The following COL25A1 variants were observed in gnomAD, a reference collection of about 807,000 sequenced individuals.
COL25A1 encodes the protein collagen type XXV alpha 1 chain, also known as collagen alpha-1(XXV) chain.
In COL25A1, 103 loss-of-function variants were observed where a neutral mutation model predicts 128.4. The ratio of observed to expected loss-of-function variants is 0.80; its 90% CI spans 0.68 to 0.94. The LOEUF (loss-of-function observed/expected upper bound fraction) is 0.94. Ranked by LOEUF, COL25A1 falls within the 40% of genes least tolerant of loss-of-function variation. The pLI is 0.00. For synonymous variants in COL25A1, 279 were observed against 277.2 expected, an observed-to-expected ratio of 1.01 and a Z score of -0.06; for missense variants, 745 against 840.0, an observed-to-expected ratio of 0.89 and a Z score of 1.40.
Position 108,844,533 on chromosome 4 carries a change from G to A in COL25A1, c.1615C>T (p.Pro539Ser). ...GGGAAACTTACCATGGGGCCAGGTG[G>A]GCCATGGGGACCTGGTGGGCCTGGT... ...GPPGPPGPHG[P>S]PGPMGPHGLP... Residue 539 changes from proline (P) to serine (S), a missense_variant, in exon 30 of 38, where the codon CCA becomes TCA. Around this residue, in one of 3 missense-constraint regions of COL25A1, gnomAD observed 387 missense variants for 441.9 expected, o/e 0.88. Transcript: ENST00000399132. 1 of 1,613,714 alleles carries A rather than the reference G, an allele frequency of 6.2e-7. No homozygotes were observed. The highest frequency in any genetic ancestry group is 2.2e-5 in the East Asian group (1 of 44,862).
intron 11 of COL25A1, among the ~76,000 whole-genome samples, chr4:108,933,877 CAAT>C (rs1389228857): frequency 6.6e-6 from 1 of 151,350 alleles, no homozygotes; most frequent in African/African-American, 2.4e-5. Context: ...CACACACACA[CAAT>C]GTGTGAAAGA....
At chr4:109,297,923 C>T (rs1180884956) in intron 3 of COL25A1, among the ~76,000 whole-genome samples, 1 of 94,112 alleles carries the variant, frequency 1.1e-5, no homozygotes, top group Admixed American at 1.7e-4. Context: ...TAGGGAAGTT[C>T]ATTAGTTTGA....
intron 8 of COL25A1, among the ~76,000 whole-genome samples, chr4:108,969,600 T>G (rs1175295043): frequency 6.6e-6 from 1 of 152,210 alleles, no homozygotes; most frequent in Admixed American, 6.5e-5. Context: ...AATCTCTTTC[T>G]TGGTTCATCA....
chr4:109,019,645 C>T (rs1757547737), intron 5 of COL25A1, among the ~76,000 whole-genome samples: 1 of 151,830 alleles, frequency 6.6e-6, no homozygotes, highest in Admixed American at 6.6e-5. Context: ...TTGAGAACAG[C>T]ACTAGGGAAA....
At chr4:109,036,869 C>T (rs1449237509) in intron 5 of COL25A1, among the ~76,000 whole-genome samples, 1 of 152,220 alleles carries the variant, frequency 6.6e-6, no homozygotes, top group African/African-American at 2.4e-5. Context: ...AAAGCCTGAA[C>T]TGTATGCCAA....
chr4:109,090,775 C>G (rs980620268), intron 3 of COL25A1, among the ~76,000 whole-genome samples: 6 of 152,136 alleles, frequency 3.9e-5, no homozygotes, highest in African/African-American at 1.4e-4. Context: ...TAGTGAGCAG[C>G]ATGATGTGAT....
At chr4:108,852,362 C>T in intron 25 of COL25A1, 82 bp from the exon 26 acceptor site, 1 of 990,482 alleles carries the variant, frequency 1.0e-6, no homozygotes, top group Non-Finnish European at 1.5e-6. Context: ...CACTATACAC[C>T]TTCCTTATTT....
intron 5 of COL25A1, among the ~76,000 whole-genome samples, chr4:109,045,276 GT>G (rs1398308512): frequency 6.6e-6 from 1 of 152,118 alleles, no homozygotes; most frequent in Non-Finnish European, 1.5e-5. Flanking sequence ...GGAGTCAAAA[GT>G]TATCTGTGGA....
At chr4:109,100,852 G>T (rs749105454) in intron 3 of COL25A1, among the ~76,000 whole-genome samples, 1 of 152,218 alleles carries the variant, frequency 6.6e-6, no homozygotes, top group Admixed American at 6.5e-5. Flanking sequence ...AAATACTCCC[G>T]ATTCCAATTG....
At chr4:109,283,416 TTTTTTCTTTTTC>T (rs1252169155) in intron 3 of COL25A1, among the ~76,000 whole-genome samples, 2 of 152,112 alleles carry the variant, frequency 1.3e-5, no homozygotes, top group South Asian at 4.1e-4. Context: ...CAGGCTAATT[TTTTTTCTTTTTC>T]TTTTTCTTTT....
intron 3 of COL25A1, among the ~76,000 whole-genome samples, chr4:109,077,523 T>C (rs556059652): frequency 3.0e-4 from 45 of 149,536 alleles, no homozygotes; most frequent in Non-Finnish European, 5.9e-4. Flanking sequence ...ACAGTCACTA[T>C]TCTGTCTAGC....
At chr4:109,219,255 T>A (rs945486387) in intron 3 of COL25A1, among the ~76,000 whole-genome samples, 23 of 152,200 alleles carry the variant, frequency 1.5e-4, no homozygotes, top group Non-Finnish European at 2.8e-4. Context: ...GTGATAAAAC[T>A]GAGGCTGTGG....
intron 5 of COL25A1, among the ~76,000 whole-genome samples, chr4:109,046,780 A>G (rs1376403616): frequency 1.3e-5 from 2 of 152,192 alleles, no homozygotes; most frequent in African/African-American, 2.4e-5. Context: ...CTGTCCCTGG[A>G]CCATGCTGGC....
rs146745010 is a variant in COL25A1, at chr4:109,252,169, T to G, written c.367+48414A>C. On this transcript the variant is annotated intron_variant, in intron 3 of 37. Transcript: ENST00000399132. ...CACATATAGGGAAGGCAAATCCATA[T>G]CTACAGTGTCTATTCCAGTAAGAAC... 1.5e-3 allele frequency among the ~76,000 whole-genome samples: 228 copies of G among 152,358 alleles called. 2 individuals are homozygous for G. The highest frequency in any genetic ancestry group is 5.2e-3 in the African/African-American group (217 of 41,586).
intron 3 of COL25A1, among the ~76,000 whole-genome samples, chr4:109,070,804 C>T (rs973233776): frequency 6.6e-6 from 1 of 150,910 alleles, no homozygotes; most frequent in Non-Finnish European, 1.5e-5. Flanking sequence ...TTTGTCCTTG[C>T]GATAGTTTGC....
In COL25A1 at chr4:108,883,874, T is replaced by A. The variant is rs150546735; in HGVS notation, c.1020+304A>T. On this transcript the variant is annotated intron_variant, in intron 19 of 37. Transcript: ENST00000399132. The stretch of plus-strand genomic sequence containing the variant: ...GGGTCTTAAGAATAAAACTAAAATA[T>A]GAAGGTAAAGAGACATTTTAGACTT... Among the ~76,000 whole-genome samples the A allele has an allele frequency of 9.5e-3, 1,454 of 152,274 alleles. 26 individuals are homozygous for A. Among genetic ancestry groups the A allele is most frequent in the African/African-American group, 0.032 (1,343 of 41,564 alleles).
At chr4:108,832,299 A>C in intron 32 of COL25A1, 81 bp downstream of exon 32, 1 of 981,362 alleles carries the variant, frequency 1.0e-6, no homozygotes, top group Non-Finnish European at 1.6e-6. Flanking sequence ...TCTTCTGAAA[A>C]ATGAACAGTT....
chr4:108,967,315 G>C (rs887286865), intron 8 of COL25A1, among the ~76,000 whole-genome samples: 1 of 152,112 alleles, frequency 6.6e-6, no homozygotes, highest in African/African-American at 2.4e-5. Flanking sequence ...CATTAATGTT[G>C]ATGACTTTAT....
At chr4:109,010,319 C>T in intron 6 of COL25A1, 39 bp downstream of exon 6, 2 of 1,534,470 alleles carry the variant, frequency 1.3e-6, no homozygotes, top group Non-Finnish European at 1.8e-6. Flanking sequence ...TGGGAAAATC[C>T]TAAATTGAAA....
Sources: allele counts gnomAD v4.1 joint callset (sites outside exome capture counted in the v4.1 genomes callset), GRCh38; gene constraint gnomAD v4.1.1; regional missense constraint gnomAD v4.1.1; transcripts MANE v1.5; gene names NCBI Gene and HGNC (gene_info 2026-07-23, HGNC 2026-07-21).